The following RPRD1A variants were observed in gnomAD, a reference collection of about 807,000 sequenced individuals.
RPRD1A encodes the protein regulation of nuclear pre-mRNA domain-containing protein 1A.
A neutral mutation model predicts 37.8 loss-of-function variants in RPRD1A; 9 were observed. The ratio of observed to expected loss-of-function variants is 0.24; its 90% CI spans 0.14 to 0.42. The LOEUF (loss-of-function observed/expected upper bound fraction) is 0.42, where lower values mean the gene tolerates loss of function less well. Ranked by LOEUF, RPRD1A falls within the 10% of genes least tolerant of loss-of-function variation. RPRD1A has a pLI of 1.00. For missense variants in RPRD1A, 255 were observed against 371.0 expected (o/e 0.69, Z 2.57); for synonymous variants, 138 against 139.7 (o/e 0.99, Z 0.08).
At chr18:36,015,994 A>G (rs2144224776) in intron 6 of RPRD1A, among the ~76,000 whole-genome samples, 1 of 152,350 alleles carries the variant, frequency 6.6e-6, no homozygotes, top group East Asian at 1.9e-4. Context: ...CAGTAAAATA[A>G]AACTATACCA....
At chr18:36,058,839 A>G (rs1598670513) in intron 1 of RPRD1A, among the ~76,000 whole-genome samples, 2 of 152,280 alleles carry the variant, frequency 1.3e-5, no homozygotes, top group East Asian at 3.9e-4. Flanking sequence ...TTCTCTCACA[A>G]GCGTACAGTG....
chr18:36,049,953 GT>G (rs1913256160), intron 1 of RPRD1A, among the ~76,000 whole-genome samples: 1 of 152,138 alleles, frequency 6.6e-6, no homozygotes, highest in African/African-American at 2.4e-5. Flanking sequence ...CAGGGTTCTT[GT>G]TTTGACATCC....
chr18:36,043,271 A>G (rs991887331), intron 1 of RPRD1A, among the ~76,000 whole-genome samples: 4 of 137,690 alleles, frequency 2.9e-5, no homozygotes, highest in Admixed American at 2.8e-4. Flanking sequence ...TATATATTAC[A>G]TGATTAATCT....
chr18:36,025,352 TAAC>T, intron 6 of RPRD1A: 1 of 293,698 alleles, frequency 3.4e-6, no homozygotes, highest in Non-Finnish European at 6.6e-6. Context: ...ACATGAATGT[TAAC>T]ATTATTATTA....
chr18:35,995,812 C>A (rs745811605), intron 6 of RPRD1A, among the ~76,000 whole-genome samples: 42 of 152,200 alleles, frequency 2.8e-4, no homozygotes, highest in Non-Finnish European at 4.7e-4. Context: ...CACTATCACT[C>A]AGGTTGACAG....
intron 1 of RPRD1A, among the ~76,000 whole-genome samples, chr18:36,050,615 T>C (rs932054964): frequency 3.3e-5 from 5 of 152,034 alleles, no homozygotes; most frequent in East Asian, 1.9e-4. Context: ...GATATACAGA[T>C]AGTCAATAAG....
chr18:36,041,812 T>C (rs1372573773), intron 1 of RPRD1A, among the ~76,000 whole-genome samples: 1 of 152,210 alleles, frequency 6.6e-6, no homozygotes, highest in Non-Finnish European at 1.5e-5. Flanking sequence ...CTTCAATGGA[T>C]TCTATCTGTC....
intron 6 of RPRD1A, 111 bp downstream of exon 6, chr18:36,026,789 A>G: frequency 1.1e-6 from 1 of 892,200 alleles, no homozygotes; most frequent in Non-Finnish European, 1.6e-6. Flanking sequence ...TACTGCTTAA[A>G]AAGGTCTATG....
chr18:36,061,249 G>A (rs948554770), intron 1 of RPRD1A, among the ~76,000 whole-genome samples: 1 of 152,144 alleles, frequency 6.6e-6, no homozygotes, highest in Non-Finnish European at 1.5e-5. Flanking sequence ...CTTACCACAA[G>A]ACTATAAATT....
Position 36,051,820 on chromosome 18 carries a change from GA to G in RPRD1A, c.151+15433del, listed in dbSNP as rs761991078. ...TCTGAGGAGCAGAAAGAAAAAGAAT[GA>G]AGAAAAATGAACACAGCCTAAGGGA... On this transcript the variant is annotated intron_variant, in intron 1 of 6. Transcript: ENST00000399022. 8.3e-4 allele frequency among the ~76,000 whole-genome samples: 127 copies of G among 152,188 alleles called. 1 individual carries two copies. Among genetic ancestry groups the G allele is most frequent in the Non-Finnish European group, 1.3e-3 (89 of 67,996 alleles).
At chr18:36,000,661 G>C (rs1386622771) in intron 6 of RPRD1A, among the ~76,000 whole-genome samples, 1 of 152,108 alleles carries the variant, frequency 6.6e-6, no homozygotes, top group Non-Finnish European at 1.5e-5. Flanking sequence ...CTTCTCATCT[G>C]CTTACTATAT....
intron 6 of RPRD1A, among the ~76,000 whole-genome samples, chr18:35,998,159 G>A (rs1909197882): frequency 6.6e-6 from 1 of 152,164 alleles, no homozygotes; most frequent in Admixed American, 6.5e-5. Context: ...ACGAGTTCAA[G>A]ACCAGCCTGG....
chr18:35,994,097 A>C (rs1908876686), intron 6 of RPRD1A, among the ~76,000 whole-genome samples: 1 of 152,142 alleles, frequency 6.6e-6, no homozygotes, highest in Non-Finnish European at 1.5e-5. Flanking sequence ...TATCACTCAG[A>C]GAAAAGCTTC....
intron 1 of RPRD1A, among the ~76,000 whole-genome samples, chr18:36,050,848 T>TTTTTC (rs200015439): frequency 1.8e-4 from 27 of 151,382 alleles, no homozygotes; most frequent in South Asian, 8.3e-4. Flanking sequence ...CCAGAATCAA[T>TTTTTC]TTTTCTTTTC....
intron 6 of RPRD1A, 22 bp from the exon 7 acceptor site, chr18:35,993,322 A>G (rs778145257): frequency 6.2e-7 from 1 of 1,613,268 alleles, no homozygotes; most frequent in Non-Finnish European, 8.5e-7. Context: ...AACCACTTTC[A>G]TTAGCATTCA....
chr18:36,067,458 G>A lies in RPRD1A; in HGVS notation c.-54C>T. On this transcript the variant is annotated 5_prime_UTR_variant, in exon 1 of 7. Coordinates refer to ENST00000399022, the MANE Select transcript of RPRD1A (RefSeq NM_018170.5). ...ACGCGGTGGGGCCGAGGGGAGGAGA[G>A]TTTCGCCGCCCTAGCTGCGGCCTCG... 1 of 1,552,784 alleles carries A rather than the reference G, an allele frequency of 6.4e-7. No individual in the cohort carries two copies. The highest frequency in any genetic ancestry group is 8.7e-7 in the Non-Finnish European group (1 of 1,144,544).
At chr18:36,019,102 ATTTT>A (rs946306446) in intron 6 of RPRD1A, among the ~76,000 whole-genome samples, 7 of 118,530 alleles carry the variant, frequency 5.9e-5, no homozygotes, top group East Asian at 2.4e-4. Flanking sequence ...GGGACCATTG[ATTTT>A]TTTTTTTTTT....
intron 6 of RPRD1A, among the ~76,000 whole-genome samples, chr18:36,016,754 G>A (rs370141294): frequency 8.5e-5 from 13 of 152,190 alleles, no homozygotes; most frequent in African/African-American, 3.1e-4. Context: ...AAATATAAAC[G>A]CTAAACAGTT....
At chr18:36,023,383 G>A (rs750389577) in intron 6 of RPRD1A, among the ~76,000 whole-genome samples, 3 of 152,222 alleles carry the variant, frequency 2.0e-5, no homozygotes, top group Non-Finnish European at 4.4e-5. Context: ...ACGAGACACA[G>A]AAGTGGAGCC....
Sources: allele counts gnomAD v4.1 joint callset (sites outside exome capture counted in the v4.1 genomes callset), GRCh38; gene constraint gnomAD v4.1.1; transcripts MANE v1.5; gene names NCBI Gene and HGNC (gene_info 2026-07-23, HGNC 2026-07-21).